PSD3: variants seen among roughly 807,000 people sequenced by gnomAD.
PSD3 encodes pleckstrin and Sec7 domain containing 3.
A neutral mutation model predicts 105.5 loss-of-function variants in PSD3; 49 were observed. The observed-to-expected ratio is 0.46, with a 90% CI of 0.37 to 0.59. PSD3 has a LOEUF of 0.59. Ranked by LOEUF, PSD3 falls within the 20% of genes least tolerant of loss-of-function variation. The pLI is 0.00. For synonymous variants in PSD3, 557 were observed against 457.8 expected (o/e 1.22, Z -2.77); for missense variants, 1,561 against 1,263.8 (o/e 1.24, Z -3.57).
intron 9 of PSD3, among the ~76,000 whole-genome samples, chr8:18,760,694 C>A (rs1193379961): frequency 6.6e-6 from 1 of 152,132 alleles, no homozygotes; most frequent in Non-Finnish European, 1.5e-5. Context: ...AAAGGTTATT[C>A]TACAGAGTGA....
intron 9 of PSD3, among the ~76,000 whole-genome samples, chr8:18,685,764 C>T (rs1368451411): frequency 2.0e-5 from 3 of 152,068 alleles, no homozygotes; most frequent in Non-Finnish European, 2.9e-5. Context: ...CTTAAGCAGA[C>T]GACGAGTCTA....
intron 1 of PSD3, among the ~76,000 whole-genome samples, chr8:19,028,575 T>C (rs761174218): frequency 6.6e-6 from 1 of 152,170 alleles, no homozygotes; most frequent in Non-Finnish European, 1.5e-5. Flanking sequence ...GAATTCTTTA[T>C]ACATCCTGGA....
chr8:18,967,049 G>A (rs901586029), intron 1 of PSD3, among the ~76,000 whole-genome samples: 3 of 152,100 alleles, frequency 2.0e-5, no homozygotes, highest in African/African-American at 7.2e-5. Flanking sequence ...ACCATTCCAG[G>A]CAGACAGGAA....
intron 2 of PSD3, among the ~76,000 whole-genome samples, chr8:18,923,330 T>C (rs761056646): frequency 6.6e-6 from 1 of 152,188 alleles, no homozygotes; most frequent in Non-Finnish European, 1.5e-5. Flanking sequence ...GGTAGCCCCA[T>C]TCTAAAGCCA....
intron 4 of PSD3, among the ~76,000 whole-genome samples, chr8:18,852,331 C>G (rs765513920): frequency 6.6e-6 from 1 of 152,112 alleles, no homozygotes; most frequent in Non-Finnish European, 1.5e-5. Flanking sequence ...ACCAACTCCT[C>G]GAGTGTAAAG....
intron 14 of PSD3, among the ~76,000 whole-genome samples, chr8:18,560,252 T>C (rs1300705846): frequency 1.4e-5 from 2 of 145,544 alleles, no homozygotes; most frequent in Non-Finnish European, 3.0e-5. Context: ...AAAACAATGG[T>C]AAAAAACAAC....
At chr8:18,990,399 T>A (rs1825724658) in intron 1 of PSD3, among the ~76,000 whole-genome samples, 1 of 152,222 alleles carries the variant, frequency 6.6e-6, no homozygotes, top group Admixed American at 6.5e-5. Context: ...CTCTCAGTTC[T>A]TCATATGCGA....
intron 8 of PSD3, among the ~76,000 whole-genome samples, chr8:18,789,935 A>C (rs2129446193): frequency 6.6e-6 from 1 of 152,342 alleles, no homozygotes; most frequent in South Asian, 2.1e-4. Flanking sequence ...AAGAAGACTG[A>C]ATAATGTGTA....
intron 8 of PSD3, among the ~76,000 whole-genome samples, chr8:18,775,190 T>C (rs914623823): frequency 6.6e-6 from 1 of 152,198 alleles, no homozygotes; most frequent in Non-Finnish European, 1.5e-5. Flanking sequence ...ATAACATAAT[T>C]TCATCATTTT....
chr8:18,936,161 A>T lies in PSD3; in HGVS notation c.22-19T>A. The T allele has an allele frequency of 6.6e-7, 1 of 1,512,026 alleles. No homozygotes were observed. Among genetic ancestry groups the T allele is most frequent in the South Asian group, 1.1e-5 (1 of 88,398 alleles). The allele number at this position is 1,512,026 out of a possible 1,614,324, so 93.7% of individuals were successfully genotyped here. ...TCTCTGCCTGCAAAATAAGAACAAA[A>T]CAAAGACACATTTAAAATACATCAT... On this transcript the variant is annotated intron_variant, in intron 1 of 15. Transcript: ENST00000327040.
At chr8:18,955,017 C>T (rs1041661405) in intron 1 of PSD3, among the ~76,000 whole-genome samples, 2 of 152,208 alleles carry the variant, frequency 1.3e-5, no homozygotes, top group African/African-American at 4.8e-5. Flanking sequence ...ACACAATGTG[C>T]TAGTCAGCTT....
chr8:18,964,047 A>T (rs1345626039), intron 1 of PSD3, among the ~76,000 whole-genome samples: 4 of 152,250 alleles, frequency 2.6e-5, no homozygotes, highest in African/African-American at 9.6e-5. Flanking sequence ...GCCTATATTT[A>T]TAGGCAAAAT....
intron 9 of PSD3, among the ~76,000 whole-genome samples, chr8:18,687,187 G>A (rs1468549008): frequency 1.3e-5 from 2 of 152,122 alleles, no homozygotes; most frequent in African/African-American, 2.4e-5. Context: ...ATTCAGGATG[G>A]GTGCAGTGGC....
intron 9 of PSD3, among the ~76,000 whole-genome samples, chr8:18,667,957 G>T (rs1403764278): frequency 6.6e-6 from 1 of 152,240 alleles, no homozygotes; most frequent in Non-Finnish European, 1.5e-5. Context: ...GAGGCCAGCG[G>T]CACCGGCCGG....
intron 9 of PSD3, among the ~76,000 whole-genome samples, chr8:18,696,164 G>A (rs1432931154): frequency 6.6e-6 from 1 of 152,176 alleles, no homozygotes; most frequent in Non-Finnish European, 1.5e-5. Flanking sequence ...CCAGAGCTCT[G>A]CAAGGATTCA....
At chr8:18,693,572 T>A (rs559130139) in intron 9 of PSD3, among the ~76,000 whole-genome samples, 2 of 152,284 alleles carry the variant, frequency 1.3e-5, no homozygotes, top group Non-Finnish European at 2.9e-5. Flanking sequence ...GAAACAAAGG[T>A]ATAAGCCATG....
chr8:18,780,910 A>T (rs560094593), intron 8 of PSD3, among the ~76,000 whole-genome samples: 5 of 152,286 alleles, frequency 3.3e-5, no homozygotes, highest in African/African-American at 1.2e-4. Flanking sequence ...TTTATCTTCT[A>T]AATGCAGGGC....
chr8:18,783,956 T>C (rs918221202), intron 8 of PSD3, among the ~76,000 whole-genome samples: 8 of 152,244 alleles, frequency 5.3e-5, no homozygotes, highest in African/African-American at 1.7e-4. Context: ...CACTATCTTT[T>C]AGTTCCTCTT....
rs58894929 is a variant in PSD3 at position 18,979,199 on chromosome 8, G to C, written c.21+34364C>G. Among the ~76,000 whole-genome samples the C allele has an allele frequency of 1.6e-3, 247 of 151,922 alleles. 1 individual carries two copies. Among genetic ancestry groups the C allele is most frequent in the African/African-American group, 5.6e-3 (234 of 41,454 alleles). ...GGGCGGCCAGCACATAGCCATCTTT[G>C]TTGTATTTTTCATTGCAGGCTTCCA... On this transcript the variant is annotated intron_variant, in intron 1 of 15. Coordinates refer to ENST00000327040, the MANE Select transcript of PSD3 (RefSeq NM_015310.4).
Sources: allele counts gnomAD v4.1 joint callset (sites outside exome capture counted in the v4.1 genomes callset), GRCh38; gene constraint gnomAD v4.1.1; transcripts MANE v1.5; gene names NCBI Gene and HGNC (gene_info 2026-07-23, HGNC 2026-07-21).